CNTNAP5: variants seen among roughly 807,000 people sequenced by gnomAD.
The protein encoded by CNTNAP5 is contactin associated protein family member 5.
A neutral mutation model predicts 150.2 loss-of-function variants in CNTNAP5; 72 were observed. That is an observed-to-expected ratio of 0.48 (90% CI 0.40 to 0.58). The LOEUF is 0.58. CNTNAP5 is among the 20% of genes least tolerant of loss of function. The pLI, the probability that CNTNAP5 is intolerant of heterozygous loss-of-function variation, is 0.00. For synonymous variants in CNTNAP5, 672 were observed against 619.8 expected (o/e 1.08, Z -1.25); for missense variants, 1,636 against 1,626.2 (o/e 1.01, Z -0.10).
chr2:124,078,235 A>G (rs2104671673), intron 1 of CNTNAP5, among the ~76,000 whole-genome samples: 1 of 152,312 alleles, frequency 6.6e-6, no homozygotes, highest in South Asian at 2.1e-4. Context: ...TGTGGTCTAC[A>G]TATTGAATAG....
chr2:124,386,731 C>T (rs1690936327), intron 3 of CNTNAP5, among the ~76,000 whole-genome samples: 1 of 146,576 alleles, frequency 6.8e-6, no homozygotes, highest in Non-Finnish European at 1.5e-5. Context: ...TTTCAAATGT[C>T]TCCCCAGTTT....
At chr2:124,410,431 T>G (rs1445447655) in intron 3 of CNTNAP5, among the ~76,000 whole-genome samples, 2 of 150,764 alleles carry the variant, frequency 1.3e-5, no homozygotes, top group African/African-American at 4.9e-5. Context: ...TATACATTTT[T>G]TTCAGCACCA....
At chr2:124,458,352 A>G (rs1693171119) in intron 6 of CNTNAP5, among the ~76,000 whole-genome samples, 1 of 149,106 alleles carries the variant, frequency 6.7e-6, no homozygotes, top group African/African-American at 2.5e-5. Context: ...AAAGGAATGA[A>G]TTAATGTCAT....
intron 1 of CNTNAP5, among the ~76,000 whole-genome samples, chr2:124,188,335 A>T (rs1685379298): frequency 6.6e-6 from 1 of 152,220 alleles, no homozygotes; most frequent in Non-Finnish European, 1.5e-5. Context: ...TCCTTTAAGA[A>T]GTTTGGAAAT....
chr2:124,830,788 A>G (rs1682697983), intron 19 of CNTNAP5, among the ~76,000 whole-genome samples: 1 of 152,056 alleles, frequency 6.6e-6, no homozygotes, highest in Admixed American at 6.6e-5. Flanking sequence ...AAAAAGTTAC[A>G]AGAACTGATG....
chr2:124,518,123 C>T (rs917895852), intron 8 of CNTNAP5, among the ~76,000 whole-genome samples: 1 of 152,004 alleles, frequency 6.6e-6, no homozygotes, highest in Non-Finnish European at 1.5e-5. Flanking sequence ...GTTGAGGAAC[C>T]CCACTTTAAG....
At chr2:124,594,678 G>A (rs1354306426) in intron 11 of CNTNAP5, among the ~76,000 whole-genome samples, 1 of 141,788 alleles carries the variant, frequency 7.1e-6, no homozygotes, top group African/African-American at 2.6e-5. Context: ...GTGAAGAAAG[G>A]CATTGGTAGC....
chr2:124,217,580 T>C (rs538249626), intron 1 of CNTNAP5, among the ~76,000 whole-genome samples: 16 of 152,290 alleles, frequency 1.1e-4, no homozygotes, highest in African/African-American at 3.6e-4. Flanking sequence ...GCTCGTGTCT[T>C]CACCCATTTT....
chr2:124,809,155 A>G (rs913367750), intron 19 of CNTNAP5, among the ~76,000 whole-genome samples: 1 of 152,098 alleles, frequency 6.6e-6, no homozygotes, highest in African/African-American at 2.4e-5. Flanking sequence ...TAGCTCCTTC[A>G]CTTGGGAACT....
chr2:124,588,228 CTT>C (rs1245501587), intron 11 of CNTNAP5, among the ~76,000 whole-genome samples: 4 of 116,588 alleles, frequency 3.4e-5, no homozygotes, highest in African/African-American at 1.2e-4. Flanking sequence ...TTCTTTCTTT[CTT>C]TCTTTCTTCT....
intron 13 of CNTNAP5, among the ~76,000 whole-genome samples, chr2:124,689,527 A>C (rs573202219): frequency 6.6e-6 from 1 of 152,176 alleles, no homozygotes; most frequent in South Asian, 2.1e-4. Context: ...GTATGCACAC[A>C]TGTGTTTGCC....
chr2:124,884,492 A>T (rs1429321748), intron 21 of CNTNAP5, among the ~76,000 whole-genome samples: 2 of 151,962 alleles, frequency 1.3e-5, no homozygotes, highest in African/African-American at 4.8e-5. Flanking sequence ...GCTTCTGATG[A>T]TCTTGGACTG....
At chr2:124,485,641 G>GAAAGAAGAA (rs1693861076) in intron 7 of CNTNAP5, among the ~76,000 whole-genome samples, 3 of 125,868 alleles carry the variant, frequency 2.4e-5, no homozygotes, top group Admixed American at 8.5e-5. Flanking sequence ...AAAAGAAGAA[G>GAAAGAAGAA]GTGCATTTAC....
intron 3 of CNTNAP5, among the ~76,000 whole-genome samples, chr2:124,412,897 A>T (rs1691810919): frequency 9.5e-6 from 1 of 105,672 alleles, no homozygotes; most frequent in Non-Finnish European, 1.9e-5. Context: ...AATTAAACTA[A>T]AGAGCTTCTG....
In CNTNAP5 at chr2:124,865,310, C is replaced by T; in HGVS notation, c.3222C>T (p.Ser1074=). The stretch of plus-strand genomic sequence containing the variant: ...TTCTAATATTTTTCTTTCAAGGAAG[C>T]TTACAGGTTCGCTATCACCTAAACA... ...FVVVLLCKNG[S]LQVRYHLNKE... Residue 1074 remains serine (S), a synonymous_variant, in exon 20 of 24, where the codon AGC becomes AGT. Transcript: ENST00000682447. 6.4e-7 allele frequency: 1 copy of T among 1,560,120 alleles called. No individual in the cohort carries two copies. The highest frequency in any genetic ancestry group is 8.7e-7 in the Non-Finnish European group (1 of 1,150,724).
intron 3 of CNTNAP5, among the ~76,000 whole-genome samples, chr2:124,251,523 C>T (rs987396329): frequency 6.6e-6 from 1 of 151,600 alleles, no homozygotes; most frequent in Admixed American, 6.6e-5. Flanking sequence ...AAAAATCTCC[C>T]CAAAGAATCA....
chr2:124,213,549 C>T (rs917508467), intron 1 of CNTNAP5, among the ~76,000 whole-genome samples: 2 of 152,270 alleles, frequency 1.3e-5, no homozygotes, highest in Middle Eastern at 3.4e-3. Context: ...TCTGTCCAGC[C>T]TGACCCTTTA....
chr2:124,879,741 G>A (rs1296149129), intron 21 of CNTNAP5, among the ~76,000 whole-genome samples: 2 of 152,118 alleles, frequency 1.3e-5, no homozygotes, highest in East Asian at 1.9e-4. Context: ...ATACAACCAT[G>A]CTGCCTATTG....
chr2:124,158,281 A>G (rs1194324013), intron 1 of CNTNAP5, among the ~76,000 whole-genome samples: 2 of 152,182 alleles, frequency 1.3e-5, no homozygotes, highest in Admixed American at 1.3e-4. Flanking sequence ...TAGTACAACC[A>G]TCCCTCTGTA....
Sources: gnomAD v4.1 joint callset for allele counts (sites outside exome capture counted in the v4.1 genomes callset) on GRCh38, gnomAD v4.1.1 for gene constraint, MANE v1.5 for transcripts, NCBI Gene and HGNC (gene_info 2026-07-23, HGNC 2026-07-21) for gene names.